Variants in TAS2R19 observed in about 807,000 individuals in gnomAD.
TAS2R19 encodes the protein taste 2 receptor member 19.
For synonymous variants in TAS2R19, 108 were observed against 123.4 expected (o/e 0.87, Z 0.83); for missense variants, 336 against 342.4 (o/e 0.98, Z 0.15).
At position 11,021,648 on chromosome 12, in the gene TAS2R19, A is replaced by C; in HGVS notation, c.*24T>G. The stretch of plus-strand genomic sequence containing the variant: ...CGATGCTCCCCTTGTGAATCTATGG[A>C]GTTGAGGGTTTCTCTTCTTTCACTC... On this transcript the variant is annotated 3_prime_UTR_variant, in exon 1 of 1. Coordinates refer to ENST00000390673, the MANE Select transcript of TAS2R19 (RefSeq NM_176888.2). 6.3e-7 allele frequency: 1 copy of C among 1,590,752 alleles called. No homozygotes were observed. Among genetic ancestry groups the C allele is most frequent in the Non-Finnish European group, 8.6e-7 (1 of 1,163,856 alleles).
Position 11,022,375 on chromosome 12 carries a change from C to A in TAS2R19, c.197G>T (p.Trp66Leu). Reference sequence around the variant, plus strand: ...AGCAGAATTAAACACAGTTGCATACCAAAGGAATAACATGACCCAGAGTAA... The same window carrying A: ...AGCAGAATTAAACACAGTTGCATACAAAAGGAATAACATGACCCAGAGTAA... Reference protein sequence around the residue: ...IGLLWVMLFLWYATVFNSALY... With the variant: ...IGLLWVMLFLLYATVFNSALY... Residue 66 changes from tryptophan (W) to leucine (L), a missense_variant, in exon 1 of 1, where the codon TGG becomes TTG. By Grantham distance (61) the Trp-to-Leu change is moderately conservative (BLOSUM62 -2). Coordinates refer to ENST00000390673, the MANE Select transcript of TAS2R19 (RefSeq NM_176888.2). The A allele has an allele frequency of 1.2e-6, 2 of 1,614,032 alleles. No homozygotes were observed. Among genetic ancestry groups the A allele is most frequent in the Non-Finnish European group, 1.7e-6 (2 of 1,179,916 alleles).
Position 11,021,722 on chromosome 12 carries a change from T to C in TAS2R19, c.850A>G (p.Arg284Gly), listed in dbSNP as rs144242846. The change falls in exon 1 of 1, where the codon AGG becomes GGG. Residue 284 changes from arginine to glycine, a missense_variant. Coordinates refer to ENST00000390673, the MANE Select transcript of TAS2R19 (RefSeq NM_176888.2). ...FHSFILIMGS[R>G]KLKQTFLSVL... The stretch of plus-strand genomic sequence containing the variant: ...GAAAGAAAGGTCTGTTTTAGCTTCC[T>C]ACTTCCCATAATCAGGATGAATGAG... 757 of 1,614,128 alleles carry C rather than the reference T, an allele frequency of 4.7e-4. No homozygotes were observed. Among genetic ancestry groups the C allele is most frequent in the Admixed American group, 1.0e-3 (62 of 60,028 alleles).
rs755415850 is a variant in TAS2R19, at chr12:11,022,070, A to G, written c.502T>C (p.Leu168=). 6 of 1,613,946 alleles carry G rather than the reference A, an allele frequency of 3.7e-6. No individual in the cohort carries two copies. In the Admixed American group the frequency reaches 8.3e-5, roughly 22 times the overall value. The change falls in exon 1 of 1, where the codon TTG becomes CTG. Residue 168 remains leucine, a synonymous_variant. Transcript: ENST00000390673. ...CTTGAAAGGTGTATTGCATTCCTCA[A>G]TTTGATCTTCCAAGTCACATTTCCT... ...YEGNVTWKIK[L]RNAIHLSSLT... is the part of the protein sequence containing the mutation.
In TAS2R19 at chr12:11,021,720, C is replaced by G. The variant is rs567559465; in HGVS notation, c.852G>C (p.Arg284Ser). ...FHSFILIMGS[R>S]KLKQTFLSVL... is the part of the protein sequence containing the mutation. ...CTGAAAGAAAGGTCTGTTTTAGCTT[C>G]CTACTTCCCATAATCAGGATGAATG... is the stretch of plus-strand genomic sequence containing the variant. Residue 284 changes from arginine (R) to serine (S), a missense_variant, in exon 1 of 1, where the codon AGG becomes AGC. Transcript: ENST00000390673. 2 of 1,614,118 alleles carry G rather than the reference C, an allele frequency of 1.2e-6. No individual in the cohort carries two copies. The highest frequency in any genetic ancestry group is 3.3e-5 in the Admixed American group (2 of 60,028).
rs200760616 is a variant in TAS2R19 at position 11,021,996 on chromosome 12, T to G, written c.576A>C (p.Leu192=). ...AACAGATTAACAGCAGAAAACATAT[T>G]AGGCTCAGAGTAAAGGGTATGAGGT... ...LANLIPFTLS[L]ICFLLLICSL... is the part of the protein sequence containing the mutation. Residue 192 remains leucine (L), a synonymous_variant, in exon 1 of 1, where the codon CTA becomes CTC. Transcript: ENST00000390673. The G allele has an allele frequency of 3.5e-5, 56 of 1,591,938 alleles. No individual in the cohort carries two copies. The highest frequency in any genetic ancestry group is 4.3e-5 in the Non-Finnish European group (50 of 1,170,210).
In TAS2R19 at chr12:11,021,762, C is replaced by G. The variant is rs753694713; in HGVS notation, c.810G>C (p.Met270Ile). 3.7e-6 allele frequency: 6 copies of G among 1,614,158 alleles called. No homozygotes were observed. The highest frequency in any genetic ancestry group is 5.1e-6 in the Non-Finnish European group (6 of 1,179,950). ...VLLLCQTVAI[M>I]YPSFHSFILI... The stretch of plus-strand genomic sequence containing the variant: ...GGATGAATGAGTGGAATGAAGGATA[C>G]ATGATTGCAACAGTTTGGCAAAGCA... Residue 270 changes from methionine (M) to isoleucine (I), a missense_variant, in exon 1 of 1, where the codon ATG becomes ATC. By Grantham distance (10) the Met-to-Ile change is conservative. Coordinates refer to ENST00000390673, the MANE Select transcript of TAS2R19 (RefSeq NM_176888.2).
chr12:11,021,855 G>A lies in TAS2R19; in HGVS notation c.717C>T (p.Ala239=). 1 of 1,614,258 alleles carries A rather than the reference G, an allele frequency of 6.2e-7. No homozygotes were observed. Among genetic ancestry groups the A allele is most frequent in the Non-Finnish European group, 8.5e-7 (1 of 1,180,044 alleles). ...QTVTSFLMLF[A]IYFLCIITST... ...ATGTGATTATACACAGAAAGTAAAT[G>A]GCAAATAACATGAGGAAGGAGGTCA... The change falls in exon 1 of 1, where the codon GCC becomes GCT. Residue 239 remains alanine, a synonymous_variant. Transcript: ENST00000390673.
chr12:11,021,929 C>G lies in TAS2R19; in HGVS notation c.643G>C (p.Gly215Arg). ...ACCTTGGTGCTGGGATCTTGAGATC[C>G]TTTGCTATGGAGCCGCATCTTCTTG... ...HLKKMRLHSK[G>R]SQDPSTKVHI... Residue 215 changes from glycine to arginine, a missense_variant, in exon 1 of 1, where the codon GGA becomes CGA. Physicochemically the swap from Gly to Arg is moderately radical, Grantham distance 125. Transcript: ENST00000390673. The G allele has an allele frequency of 6.2e-7, 1 of 1,614,180 alleles. No homozygotes were observed.
the TAS2R19 span, chr12:11,021,878 TCA>T: frequency 6.2e-7 from 1 of 1,614,174 alleles, no homozygotes; most frequent in Non-Finnish European, 8.5e-7. Flanking sequence ...AGGAAGGAGG[TCA>T]CAGTTTGCAA....
chr12:11,021,991 CATATT>C, the TAS2R19 span: 4 of 1,580,806 alleles, frequency 2.5e-6, no homozygotes, highest in Non-Finnish European at 3.4e-6. Context: ...CAGCAGAAAA[CATATT>C]AGGCTCAGAG....
Position 11,022,558 on chromosome 12 carries a change from A to C in TAS2R19, c.14T>G (p.Leu5Arg). ...TACCAGAATTGATGAAATGATGAGC[A>C]GAAAACACATCATGTTTGAACAGAT... MMCF[L>R]LIISSILVVF... is the part of the protein sequence containing the mutation. Residue 5 changes from leucine (L) to arginine (R), a missense_variant, in exon 1 of 1, where the codon CTG becomes CGG. By Grantham distance (102) the Leu-to-Arg change is moderately radical. Coordinates refer to ENST00000390673, the MANE Select transcript of TAS2R19 (RefSeq NM_176888.2). 6.2e-7 allele frequency: 1 copy of C among 1,609,528 alleles called. No homozygotes were observed. The highest frequency in any genetic ancestry group is 8.5e-7 in the Non-Finnish European group (1 of 1,177,924).
chr12:11,021,640 A>G lies in TAS2R19; in HGVS notation c.*32T>C. ...AAGACCCACGATGCTCCCCTTGTGA[A>G]TCTATGGAGTTGAGGGTTTCTCTTC... On this transcript the variant is annotated 3_prime_UTR_variant, in exon 1 of 1. Transcript: ENST00000390673. 6.3e-7 allele frequency: 1 copy of G among 1,574,806 alleles called. No individual in the cohort carries two copies. The highest frequency in any genetic ancestry group is 8.7e-7 in the Non-Finnish European group (1 of 1,153,896).
At position 11,021,899 on chromosome 12, in the gene TAS2R19, T is replaced by C. The variant is rs115299813; in HGVS notation, c.673A>G (p.Ile225Val). Residue 225 changes from isoleucine (I) to valine (V), a missense_variant, in exon 1 of 1, where the codon ATA becomes GTA. Coordinates refer to ENST00000390673, the MANE Select transcript of TAS2R19 (RefSeq NM_176888.2). ...GSQDPSTKVH[I>V]KALQTVTSFL... Reference sequence around the variant, plus strand: ...GAGGTCACAGTTTGCAAAGCTTTTATATGGACCTTGGTGCTGGGATCTTGA... The same window carrying C: ...GAGGTCACAGTTTGCAAAGCTTTTACATGGACCTTGGTGCTGGGATCTTGA... 25,461 of 1,614,182 alleles carry C rather than the reference T, an allele frequency of 0.016. 211 individuals are homozygous for C. The highest frequency in any genetic ancestry group is 0.032 in the Middle Eastern group (197 of 6,062).
At position 11,022,504 on chromosome 12, in the gene TAS2R19, G is replaced by T; in HGVS notation, c.68C>A (p.Ala23Asp). 2 of 1,613,762 alleles carry T rather than the reference G, an allele frequency of 1.2e-6. No homozygotes were observed. Among genetic ancestry groups the T allele is most frequent in the African/African-American group, 1.3e-5 (1 of 75,038 alleles). The change falls in exon 1 of 1, where the codon GCC (alanine) becomes GAC (aspartate). Residue 23 changes from alanine to aspartate, a missense_variant. Coordinates refer to ENST00000390673, the MANE Select transcript of TAS2R19 (RefSeq NM_176888.2). ...ATTTACTAGGGCTATGAAGCCATTG[G>T]CAACATTTCCAAGAACAAATGCAAA... ...VVFAFVLGNV[A>D]NGFIALVNVI...
rs1157514747 is a variant in TAS2R19 at position 11,022,140 on chromosome 12, A to G, written c.432T>C (p.Leu144=). 3.1e-6 allele frequency: 5 copies of G among 1,613,860 alleles called. No individual in the cohort carries two copies. In the African/African-American group the frequency reaches 6.7e-5, roughly 22 times the overall value. ...CTCTCTCATCCATGGTTATCACAGC[A>G]AGATTACAAATCAGAAATACCAAGG... is the stretch of plus-strand genomic sequence containing the variant. ...LGPLVFLICN[L]AVITMDERVW... Residue 144 remains leucine (L), a synonymous_variant, in exon 1 of 1, where the codon CTT becomes CTC. Transcript: ENST00000390673.
chr12:11,021,841 C>G lies in TAS2R19; in HGVS notation c.731G>C (p.Cys244Ser). The G allele has an allele frequency of 1.2e-6, 2 of 1,614,254 alleles. No individual in the cohort carries two copies. Among genetic ancestry groups the G allele is most frequent in the Non-Finnish European group, 1.7e-6 (2 of 1,180,020 alleles). The change falls in exon 1 of 1, where the codon TGT (cysteine) becomes TCT (serine). Residue 244 changes from cysteine (C) to serine (S), a missense_variant. Cys to Ser is a moderately radical substitution (Grantham distance 112). Transcript: ENST00000390673. ...FLMLFAIYFL[C>S]IITSTWNLRT... ...AAGATTCCAAGTTGATGTGATTATA[C>G]ACAGAAAGTAAATGGCAAATAACAT...
At position 11,022,405 on chromosome 12, in the gene TAS2R19, A is replaced by T. The variant is rs757358784; in HGVS notation, c.167T>A (p.Ile56Asn). ...QILTALVVSRIGLLWVMLFLW... is the reference protein window; with the variant it reads ...QILTALVVSRNGLLWVMLFLW... ...GAATAACATGACCCAGAGTAAACCA[A>T]TTCTGGAGACCACCAGAGCAGTGAG... The change falls in exon 1 of 1, where the codon ATT (isoleucine) becomes AAT (asparagine). Residue 56 changes from isoleucine (I) to asparagine (N), a missense_variant. Physicochemically the swap from Ile to Asn is moderately radical, Grantham distance 149. Transcript: ENST00000390673. 3 of 1,614,146 alleles carry T rather than the reference A, an allele frequency of 1.9e-6. No homozygotes were observed. The highest frequency in any genetic ancestry group is 2.5e-6 in the Non-Finnish European group (3 of 1,179,998).
chr12:11,022,444 G>A lies in TAS2R19; in HGVS notation c.128C>T (p.Ser43Leu), dbSNP rs1565561122. The A allele has an allele frequency of 1.2e-6, 2 of 1,614,104 alleles. No individual in the cohort carries two copies. Among genetic ancestry groups the A allele is most frequent in the Admixed American group, 3.3e-5 (2 of 60,022 alleles). ...CAGAGCAGTGAGAATTTGCTCAGCTGAGGAGATCTTTCGTGTGTTAACCCA... is the reference window on the plus strand; with the variant it reads ...CAGAGCAGTGAGAATTTGCTCAGCTAAGGAGATCTTTCGTGTGTTAACCCA... ...IDWVNTRKIS[S>L]AEQILTALVV... The change falls in exon 1 of 1, where the codon TCA (serine) becomes TTA (leucine). Residue 43 changes from serine (S) to leucine (L), a missense_variant. Ser to Leu is a moderately radical substitution (Grantham distance 145). Coordinates refer to ENST00000390673, the MANE Select transcript of TAS2R19 (RefSeq NM_176888.2).
the TAS2R19 span, chr12:11,022,374 C>T: frequency 1.9e-6 from 3 of 1,612,814 alleles, no homozygotes; most frequent in South Asian, 3.3e-5. Flanking sequence ...CAGTTGCATA[C>T]CAAAGGAATA....
Sources: allele counts gnomAD v4.1 joint callset, GRCh38; gene constraint gnomAD v4.1.1; transcripts MANE v1.5; gene names NCBI Gene and HGNC (gene_info 2026-07-23, HGNC 2026-07-21).